The following GABRA2 variants were observed in gnomAD, a reference collection of about 807,000 sequenced individuals.
GABRA2 encodes the protein gamma-aminobutyric acid receptor subunit alpha-2.
A neutral mutation model predicts 48.7 loss-of-function variants in GABRA2; 16 were observed. That is an observed-to-expected ratio of 0.33 (90% CI 0.22 to 0.50). The LOEUF (loss-of-function observed/expected upper bound fraction) is 0.50, where lower values mean the gene tolerates loss of function less well. GABRA2 is among the 20% of genes least tolerant of loss of function. The pLI, the probability that GABRA2 is intolerant of heterozygous loss-of-function variation, is 0.98. For missense variants in GABRA2, 275 were observed against 535.6 expected (o/e 0.51, Z 4.80); for synonymous variants, 185 against 184.5 (o/e 1.00, Z -0.02).
Position 46,370,214 on chromosome 4 carries a change from A to G in GABRA2, c.187+15860T>C, listed in dbSNP as rs1405480214. On this transcript the variant is annotated intron_variant, in intron 3 of 9. Coordinates refer to ENST00000381620, the MANE Select transcript of GABRA2 (RefSeq NM_000807.4). ...AAAAAAAGCATCAGGGCTAGAAATT[A>G]AAATTTGTGAATAAACTACATATAG... 3.3e-5 allele frequency among the ~76,000 whole-genome samples: 5 copies of G among 152,138 alleles called. No individual in the cohort carries two copies. In the East Asian group the frequency reaches 9.6e-4, roughly 29 times the overall value.
chr4:46,250,806 G>A (rs893120146), intron 9 of GABRA2, among the ~76,000 whole-genome samples: 4 of 151,498 alleles, frequency 2.6e-5, no homozygotes, highest in Non-Finnish European at 5.9e-5. Context: ...AAAATTAGTG[G>A]TACCACTTTC....
At chr4:46,299,675 C>CTT (rs200453930) in intron 8 of GABRA2, among the ~76,000 whole-genome samples, 50 of 139,460 alleles carry the variant, frequency 3.6e-4, no homozygotes, top group Admixed American at 1.3e-3. Flanking sequence ...GGGTTTCTTT[C>CTT]TTTTTTTTTT....
At chr4:46,300,278 T>C (rs532230196) in intron 8 of GABRA2, among the ~76,000 whole-genome samples, 2 of 152,050 alleles carry the variant, frequency 1.3e-5, no homozygotes, top group East Asian at 3.9e-4. Context: ...ATACATTTGA[T>C]ATCATATATT....
At chr4:46,383,528 T>C (rs1222741949) in intron 3 of GABRA2, among the ~76,000 whole-genome samples, 1 of 152,182 alleles carries the variant, frequency 6.6e-6, no homozygotes, top group African/African-American at 2.4e-5. Context: ...GAAAGGAGGA[T>C]TTATTATACA....
At chr4:46,286,159 A>G (rs965145323) in intron 8 of GABRA2, among the ~76,000 whole-genome samples, 1 of 151,976 alleles carries the variant, frequency 6.6e-6, no homozygotes, top group Non-Finnish European at 1.5e-5. Flanking sequence ...TTCTGTCTCT[A>G]TGGATTTGTC....
chr4:46,273,484 CATATATATATATATATGCATATATATAT>C (rs1282932302), intron 8 of GABRA2, among the ~76,000 whole-genome samples: 5 of 18,914 alleles, frequency 2.6e-4, no homozygotes, highest in African/African-American at 8.9e-4. Context: ...TATATATATG[CATATATATATATATATGCATATATATAT>C]ATATATATAT....
chr4:46,323,451 A>C (rs542972832), intron 4 of GABRA2, among the ~76,000 whole-genome samples: 54 of 152,000 alleles, frequency 3.6e-4, no homozygotes, highest in Non-Finnish European at 4.1e-4. Context: ...TACCACCCAC[A>C]TCCCCTCTGA....
At chr4:46,303,633 G>T in intron 7 of GABRA2, 21 bp from the exon 8 acceptor site, 3 of 1,604,846 alleles carry the variant, frequency 1.9e-6, no homozygotes, top group African/African-American at 2.7e-5. Context: ...AATTTAAGAA[G>T]CTCAAGGAGT....
At chr4:46,389,657 G>T (rs1560620896) in intron 1 of GABRA2, 78 bp downstream of exon 1, 7 of 809,566 alleles carry the variant, frequency 8.6e-6, no homozygotes, top group Non-Finnish European at 1.0e-5. Flanking sequence ...AAAGTGGGGT[G>T]GGGGGAGATG....
intron 3 of GABRA2, among the ~76,000 whole-genome samples, chr4:46,384,548 A>C (rs2109368288): frequency 6.6e-6 from 1 of 152,326 alleles, no homozygotes; most frequent in East Asian, 1.9e-4. Context: ...TTCCTCGTAA[A>C]AATTCAAAGA....
At chr4:46,380,474 A>G (rs1716612432) in intron 3 of GABRA2, among the ~76,000 whole-genome samples, 1 of 152,218 alleles carries the variant, frequency 6.6e-6, no homozygotes, top group African/African-American at 2.4e-5. Context: ...TAGAAGTGGT[A>G]GTAGAACCAA....
At position 46,246,203 on chromosome 4, in the gene GABRA2, T is replaced by C. The variant is rs1713690166; in HGVS notation, c.*4105A>G. On this transcript the variant is annotated 3_prime_UTR_variant, in exon 10 of 10. Transcript: ENST00000381620. ...AAAGGGAAAAATGCTTCACTTGGTT[T>C]AATTAACAACAGTCTCCTGTTTCCT... Among the ~76,000 whole-genome samples, 1 of 151,152 alleles carries C rather than the reference T, an allele frequency of 6.6e-6. No individual in the cohort carries two copies. The highest frequency in any genetic ancestry group is 2.1e-4 in the South Asian group (1 of 4,832).
At chr4:46,288,782 G>T (rs954734698) in intron 8 of GABRA2, among the ~76,000 whole-genome samples, 4 of 152,068 alleles carry the variant, frequency 2.6e-5, no homozygotes, top group African/African-American at 9.7e-5. Flanking sequence ...AAGAAAATTT[G>T]CAGAATGGGA....
In GABRA2 at chr4:46,250,162, C is replaced by T. The variant is rs1207500036; in HGVS notation, c.*146G>A. On this transcript the variant is annotated 3_prime_UTR_variant, in exon 10 of 10. Transcript: ENST00000381620. ...CCATGAGTTAGCAAATGCATGTCTCCATTAAAGGTCTACTGGTAAGCTATG... is the reference window on the plus strand; with the variant it reads ...CCATGAGTTAGCAAATGCATGTCTCTATTAAAGGTCTACTGGTAAGCTATG... 11 of 651,856 alleles carry T rather than the reference C, an allele frequency of 1.7e-5. 3 individuals carry two copies. In the South Asian group the frequency reaches 2.2e-4, roughly 13 times the overall value. 40.4% of individuals were successfully genotyped at this position (651,856 alleles called of 1,614,324 possible).
intron 6 of GABRA2, 94 bp downstream of exon 6, chr4:46,310,079 C>G: frequency 1.2e-6 from 1 of 836,550 alleles, no homozygotes. Flanking sequence ...TCAATCATCT[C>G]ATAATTTGAG....
At chr4:46,375,234 T>C (rs1715515286) in intron 3 of GABRA2, among the ~76,000 whole-genome samples, 1 of 152,180 alleles carries the variant, frequency 6.6e-6, no homozygotes, top group Non-Finnish European at 1.5e-5. Context: ...TCATTTAATA[T>C]TTAAACATTA....
In GABRA2 at chr4:46,390,060, G is replaced by T. The variant is rs1396043190; in HGVS notation, c.-336C>A. On this transcript the variant is annotated 5_prime_UTR_variant, in exon 1 of 10. Coordinates refer to ENST00000381620, the MANE Select transcript of GABRA2 (RefSeq NM_000807.4). ...ACGATGACAGGAGCTGGGGCCGGGG[G>T]GGGAAATTGGGGGGACGCGGGCGGA... 23 of 230,450 alleles carry T rather than the reference G, an allele frequency of 1.0e-4. 1 individual carries two copies. Among genetic ancestry groups the T allele is most frequent in the Non-Finnish European group, 1.6e-4 (23 of 146,088 alleles). The allele number at this position is 230,450 out of a possible 1,614,324, so 14.3% of individuals were successfully genotyped here. A position where few individuals can be genotyped will look rare whatever the true frequency, so the allele number is the denominator to read the frequency against.
At chr4:46,337,675 A>G (rs1732498542) in intron 3 of GABRA2, among the ~76,000 whole-genome samples, 1 of 149,194 alleles carries the variant, frequency 6.7e-6, no homozygotes, top group African/African-American at 2.5e-5. Flanking sequence ...AAAGAGACTG[A>G]GATTAGCAAA....
At chr4:46,350,217 C>T (rs920818256) in intron 3 of GABRA2, among the ~76,000 whole-genome samples, 4 of 151,834 alleles carry the variant, frequency 2.6e-5, no homozygotes, top group African/African-American at 9.7e-5. Context: ...ACAAACACAA[C>T]CAGTAAAAGG....
Sources: gnomAD v4.1 joint callset for allele counts (sites outside exome capture counted in the v4.1 genomes callset) on GRCh38, gnomAD v4.1.1 for gene constraint, MANE v1.5 for transcripts, NCBI Gene and HGNC (gene_info 2026-07-23, HGNC 2026-07-21) for gene names.